Variants in ARHGEF37 observed in about 807,000 individuals in gnomAD.
The protein encoded by ARHGEF37 is Rho guanine nucleotide exchange factor 37, also known as Rho guanine nucleotide exchange factor (GEF) 37.
In ARHGEF37, 55 loss-of-function variants were observed where a neutral mutation model predicts 71.1. The ratio of observed to expected loss-of-function variants is 0.77; its 90% CI spans 0.62 to 0.97. The LOEUF (loss-of-function observed/expected upper bound fraction) is 0.97, where lower values mean the gene tolerates loss of function less well. Among genes scored for constraint, ARHGEF37 ranks in the 50% least tolerant of loss-of-function variants. ARHGEF37 has a pLI of 0.00. For synonymous variants in ARHGEF37, 327 were observed against 350.6 expected, an observed-to-expected ratio of 0.93 and a Z score of 0.75; for missense variants, 765 against 836.8, an observed-to-expected ratio of 0.91 and a Z score of 1.06.
chr5:149,558,727 GTGTGTGTGTGTATA>G (rs61619155), intron 1 of ARHGEF37, among the ~76,000 whole-genome samples: 6,416 of 120,256 alleles, frequency 0.053, 347 homozygotes, highest in African/African-American at 0.15. Context: ...GTGTGTGTGT[GTGTGTGTGTGTATA>G]TATATTTTTA....
intron 3 of ARHGEF37, among the ~76,000 whole-genome samples, chr5:149,607,755 C>CTTTTT (rs67079479): frequency 2.8e-4 from 23 of 83,094 alleles, no homozygotes; most frequent in African/African-American, 5.7e-4. Context: ...AAAGAAACTT[C>CTTTTT]TTTTTTTTTT....
upstream of ARHGEF37, among the ~76,000 whole-genome samples, chr5:149,580,684 G>T (rs1763089205): frequency 6.6e-6 from 1 of 152,044 alleles, no homozygotes; most frequent in South Asian, 2.1e-4. Flanking sequence ...TTAGTATAGC[G>T]CCTGGCCCTT....
At position 149,571,970 on chromosome 5, in the gene ARHGEF37, G is replaced by C. The variant is rs976388920; in HGVS notation, c.-12+19847G>C. On this transcript the variant is annotated intron_variant, in intron 1 of 2. Coordinates refer to the ARHGEF37 transcript ENST00000505810. ...TTTAAAATTATATGAAAGTGCAAAAGACCTAGCATAGCCAAAACAACCCTG... is the reference window on the plus strand; with the variant it reads ...TTTAAAATTATATGAAAGTGCAAAACACCTAGCATAGCCAAAACAACCCTG... Among the ~76,000 whole-genome samples, 13 of 142,020 alleles carry C rather than the reference G, an allele frequency of 9.2e-5. No homozygotes were observed. The South Asian group carries it at 2.5e-3, about 27-fold the overall frequency. 93.2% of individuals were successfully genotyped at this position (142,020 alleles called of 152,430 possible).
chr5:149,607,150 G>T (rs1281725765), intron 3 of ARHGEF37, among the ~76,000 whole-genome samples: 1 of 152,288 alleles, frequency 6.6e-6, no homozygotes, highest in Non-Finnish European at 1.5e-5. Context: ...TGATCCACCC[G>T]CCTTGGCCTC....
At chr5:149,570,101 G>C (rs577116750) in intron 1 of ARHGEF37, among the ~76,000 whole-genome samples, 2 of 152,256 alleles carry the variant, frequency 1.3e-5, no homozygotes, top group African/African-American at 4.8e-5. Context: ...ACAGAATGAA[G>C]TGAAATTTTC....
intron 1 of ARHGEF37, among the ~76,000 whole-genome samples, chr5:149,597,182 T>A (rs1419176417): frequency 6.6e-6 from 1 of 151,938 alleles, no homozygotes; most frequent in Non-Finnish European, 1.5e-5. Flanking sequence ...AAGAGCTGGA[T>A]TGGAAATAGA....
chr5:149,618,973 G>T lies in ARHGEF37; in HGVS notation c.825G>T (p.Arg275Ser). The T allele has an allele frequency of 3.7e-6, 6 of 1,614,140 alleles. No homozygotes were observed. The highest frequency in any genetic ancestry group is 5.1e-6 in the Non-Finnish European group (6 of 1,180,006). The stretch of plus-strand genomic sequence containing the variant: ...AGGAATTTGATGATTTAGAAGAGAG[G>T]TTCCAGTGGGTGTCTCTGTGTGTGA... The part of the protein sequence containing the change: ...EDKEFDDLEE[R>S]FQWVSLCVTE... The change falls in exon 7 of 13, where the codon AGG becomes AGT. Residue 275 changes from arginine to serine, a missense_variant. This residue lies in a region of ARHGEF37 where 167 missense variants were observed against 173.3 expected (regional missense o/e 0.96). Transcript: ENST00000333677.
rs879596959 is a variant in ARHGEF37 at position 149,558,711 on chromosome 5, G to A, written c.-12+6588G>A. Among the ~76,000 whole-genome samples, 862 of 131,908 alleles carry A rather than the reference G, an allele frequency of 6.5e-3. 13 individuals are homozygous for A. Among genetic ancestry groups the A allele is most frequent in the Non-Finnish European group, 8.0e-3 (510 of 63,764 alleles). The allele number at this position is 131,908 out of a possible 152,430, so 86.5% of individuals were successfully genotyped here. ...TATATATGTGTGTGTGTGTGTGTGT[G>A]TGTGTGTGTGTGTGTGTGTGTGTGT... On this transcript the variant is annotated intron_variant, in intron 1 of 2. Transcript: ENST00000505810.
intron 4 of ARHGEF37, among the ~76,000 whole-genome samples, chr5:149,612,299 C>T (rs1188427918): frequency 3.3e-5 from 5 of 152,310 alleles, no homozygotes; most frequent in African/African-American, 1.2e-4. Flanking sequence ...TCCCGAGTAG[C>T]TGGGACTACA....
intron 2 of ARHGEF37, among the ~76,000 whole-genome samples, chr5:149,598,812 G>A (rs1055575927): frequency 2.9e-4 from 43 of 146,616 alleles, no homozygotes; most frequent in African/African-American, 9.7e-4. Flanking sequence ...ATATATATGT[G>A]TGTGTGTGTG....
intron 3 of ARHGEF37, among the ~76,000 whole-genome samples, chr5:149,607,446 A>G (rs1763943248): frequency 6.6e-6 from 1 of 152,200 alleles, no homozygotes; most frequent in South Asian, 2.1e-4. Flanking sequence ...TTCCCCAAGT[A>G]CATCCCCCAC....
At chr5:149,592,062 C>T (rs2895864) in intron 1 of ARHGEF37, among the ~76,000 whole-genome samples, 100,138 of 152,082 alleles carry the variant, frequency 0.66, 35,059 homozygotes, top group East Asian at 0.99. Context: ...CAAAGGGAGG[C>T]CCTCTGTACT....
At chr5:149,596,580 C>T (rs1580902586) in intron 1 of ARHGEF37, among the ~76,000 whole-genome samples, 1 of 152,254 alleles carries the variant, frequency 6.6e-6, no homozygotes, top group Non-Finnish European at 1.5e-5. Flanking sequence ...GCTGGGATTA[C>T]AGGCGTGAGC....
intron 12 of ARHGEF37, among the ~76,000 whole-genome samples, chr5:149,629,846 A>G (rs1752825215): frequency 1.3e-5 from 2 of 152,236 alleles, no homozygotes; most frequent in African/African-American, 4.8e-5. Context: ...GTACAATGGA[A>G]TATTATTCAG....
At chr5:149,554,866 C>T (rs556126618) in intron 1 of ARHGEF37, among the ~76,000 whole-genome samples, 1 of 152,080 alleles carries the variant, frequency 6.6e-6, no homozygotes, top group Non-Finnish European at 1.5e-5. Flanking sequence ...GGCACGGTGG[C>T]TCACGCCTGT....
chr5:149,610,304 G>A (rs528932943), intron 4 of ARHGEF37, among the ~76,000 whole-genome samples: 22 of 152,324 alleles, frequency 1.4e-4, no homozygotes, highest in African/African-American at 4.3e-4. Context: ...ACCGGTGGCT[G>A]AAGTCCTGCC....
intron 1 of ARHGEF37, among the ~76,000 whole-genome samples, chr5:149,560,373 C>A (rs1051119087): frequency 5.9e-5 from 9 of 152,206 alleles, no homozygotes; most frequent in African/African-American, 2.2e-4. Context: ...CTCTGCCTCT[C>A]AAAGTGCTGG....
At position 149,571,905 on chromosome 5, in the gene ARHGEF37, C is replaced by CAAAA. The variant is rs150393350; in HGVS notation, c.-12+19800_-12+19803dup. Among the ~76,000 whole-genome samples, 97 of 77,138 alleles carry CAAAA rather than the reference C, an allele frequency of 1.3e-3. 1 individual carries two copies. Among genetic ancestry groups the CAAAA allele is most frequent in the Middle Eastern group, 5.8e-3 (1 of 172 alleles). 50.6% of individuals were successfully genotyped at this position (77,138 alleles called of 152,430 possible). A position where few individuals can be genotyped will look rare whatever the true frequency, so the allele number is the denominator to read the frequency against. ...TGGGTGACAGAGTGAGACCCTGTCT[C>CAAAA]AAAAAAAAAAAAAAAAAAAAAGAAG... is the stretch of plus-strand genomic sequence containing the variant. On this transcript the variant is annotated intron_variant, in intron 1 of 2. Coordinates refer to the ARHGEF37 transcript ENST00000505810.
chr5:149,553,737 A>G (rs1208838908), intron 1 of ARHGEF37, among the ~76,000 whole-genome samples: 2 of 152,230 alleles, frequency 1.3e-5, no homozygotes, highest in African/African-American at 4.8e-5. Context: ...TAAGCAATAC[A>G]TCTTTCATTT....
Sources: gnomAD v4.1 joint callset for allele counts (sites outside exome capture counted in the v4.1 genomes callset) on GRCh38, gnomAD v4.1.1 for gene constraint, gnomAD v4.1.1 regional missense constraint, MANE v1.5 for transcripts, NCBI Gene and HGNC (gene_info 2026-07-23, HGNC 2026-07-21) for gene names.